CCDC102B: variants seen among roughly 807,000 people sequenced by gnomAD.
CCDC102B encodes coiled-coil domain-containing protein 102B.
A neutral mutation model predicts 57.4 loss-of-function variants in CCDC102B; 75 were observed. The observed-to-expected ratio is 1.31, with a 90% CI of 1.08 to 1.58. CCDC102B has a LOEUF of 1.58. Among genes scored for constraint, CCDC102B ranks in the 40% most tolerant of loss-of-function variants. The pLI is 0.00. For missense variants in CCDC102B, 636 were observed against 582.6 expected, an observed-to-expected ratio of 1.09 and a Z score of -0.94; for synonymous variants, 206 against 201.9, an observed-to-expected ratio of 1.02 and a Z score of -0.17.
At chr18:69,017,855 T>C (rs1359183437) in intron 7 of CCDC102B, among the ~76,000 whole-genome samples, 1 of 152,212 alleles carries the variant, frequency 6.6e-6, no homozygotes, top group African/African-American at 2.4e-5. Context: ...AAATTTGACA[T>C]TTTCAGATTC....
At chr18:68,956,581 TA>T (rs2049902372) in intron 6 of CCDC102B, among the ~76,000 whole-genome samples, 1 of 50,438 alleles carries the variant, frequency 2.0e-5, no homozygotes, top group Non-Finnish European at 3.3e-5. Context: ...TTTATATATA[TA>T]AATATTATAT....
chr18:68,719,614 A>T (rs951782385), intron 2 of CCDC102B, among the ~76,000 whole-genome samples: 1 of 152,096 alleles, frequency 6.6e-6, no homozygotes, highest in East Asian at 1.9e-4. Flanking sequence ...CCCACCCCCA[A>T]CAAATTGGGG....
chr18:68,750,913 C>T (rs1176484433), intron 2 of CCDC102B, among the ~76,000 whole-genome samples: 3 of 151,448 alleles, frequency 2.0e-5, no homozygotes, highest in Non-Finnish European at 2.9e-5. Flanking sequence ...CAAACCTGCA[C>T]GTTGTGCACA....
rs748244183 is a variant in CCDC102B at position 68,837,231 on chromosome 18, G to A, written c.468G>A (p.Gln156=). 1.2e-6 allele frequency: 2 copies of A among 1,614,114 alleles called. No individual in the cohort carries two copies. The highest frequency in any genetic ancestry group is 3.3e-5 in the Admixed American group (2 of 60,002). Reference sequence around the variant, plus strand: ...AGGCATTAGAAGCTAAAGTTACCCAGGATCTGAAGCTTCCTGGCTTCGTAG... The same window carrying A: ...AGGCATTAGAAGCTAAAGTTACCCAAGATCTGAAGCTTCCTGGCTTCGTAG... ...QKEALEAKVT[Q]DLKLPGFVEE... The change falls in exon 2 of 8, where the codon CAG becomes CAA. Residue 156 remains glutamine, a synonymous_variant. Transcript: ENST00000360242.
At chr18:69,016,369 A>G (rs981130555) in intron 7 of CCDC102B, among the ~76,000 whole-genome samples, 1 of 152,210 alleles carries the variant, frequency 6.6e-6, no homozygotes, top group Non-Finnish European at 1.5e-5. Flanking sequence ...CAATGAGTGC[A>G]ACTTAAGCAA....
intron 4 of CCDC102B, among the ~76,000 whole-genome samples, chr18:68,852,667 C>A (rs1220904323): frequency 1.3e-5 from 2 of 152,068 alleles, no homozygotes; most frequent in Non-Finnish European, 2.9e-5. Flanking sequence ...ATGCAAAACT[C>A]ATGGATATGG....
chr18:68,715,224 T>C (rs1453567814), upstream of CCDC102B: 8 of 1,353,224 alleles, frequency 5.9e-6, no homozygotes, highest in South Asian at 3.4e-5. Flanking sequence ...TTAAGAATCC[T>C]TTGCGCTCTC....
At chr18:69,028,742 C>G (rs2052059370) in intron 7 of CCDC102B, among the ~76,000 whole-genome samples, 1 of 151,802 alleles carries the variant, frequency 6.6e-6, no homozygotes, top group Non-Finnish European at 1.5e-5. Flanking sequence ...AACTGGTGAC[C>G]TACAGTGATG....
intron 4 of CCDC102B, among the ~76,000 whole-genome samples, chr18:68,851,776 AAGT>A (rs2038137191): frequency 6.6e-6 from 1 of 152,172 alleles, no homozygotes; most frequent in African/African-American, 2.4e-5. Flanking sequence ...ATAATGATAA[AAGT>A]AGACTAAAAA....
At chr18:69,009,705 A>G (rs1266708044) in intron 6 of CCDC102B, among the ~76,000 whole-genome samples, 2 of 151,808 alleles carry the variant, frequency 1.3e-5, no homozygotes, top group Non-Finnish European at 2.9e-5. Flanking sequence ...ATTACTAATG[A>G]TTTGAGATGT....
intron 6 of CCDC102B, among the ~76,000 whole-genome samples, chr18:68,962,410 A>C (rs771202728): frequency 1.3e-5 from 2 of 152,092 alleles, no homozygotes; most frequent in Non-Finnish European, 2.9e-5. Flanking sequence ...TTTCCAGACA[A>C]ATCATAATTT....
At chr18:68,975,618 C>T (rs1318915826) in intron 6 of CCDC102B, among the ~76,000 whole-genome samples, 3 of 151,832 alleles carry the variant, frequency 2.0e-5, no homozygotes, top group African/African-American at 7.3e-5. Flanking sequence ...GGTCTGTTTC[C>T]AAGTTGAAGT....
At chr18:68,790,047 C>T (rs962639601) in intron 2 of CCDC102B, among the ~76,000 whole-genome samples, 3 of 147,882 alleles carry the variant, frequency 2.0e-5, no homozygotes, top group South Asian at 2.1e-4. Context: ...TTCCTTCTAA[C>T]AGACAGGACC....
intron 6 of CCDC102B, among the ~76,000 whole-genome samples, chr18:68,954,498 C>A (rs2049790567): frequency 1.3e-5 from 2 of 152,148 alleles, no homozygotes; most frequent in Admixed American, 6.5e-5. Context: ...TCTTAACCAA[C>A]TGGATTCATT....
At chr18:69,046,341 C>A (rs56299991) in intron 7 of CCDC102B, among the ~76,000 whole-genome samples, 5,039 of 152,182 alleles carry the variant, frequency 0.033, 140 homozygotes, top group East Asian at 0.15. Flanking sequence ...TTGCATTTCT[C>A]TAATAATTAG....
chr18:69,014,745 A>G (rs546738309), intron 7 of CCDC102B, among the ~76,000 whole-genome samples: 1 of 152,066 alleles, frequency 6.6e-6, no homozygotes, highest in East Asian at 1.9e-4. Flanking sequence ...ATTTGAAGGG[A>G]AAAAATAGCC....
chr18:68,786,093 C>CA (rs2035199406), intron 2 of CCDC102B, among the ~76,000 whole-genome samples: 1 of 149,770 alleles, frequency 6.7e-6, no homozygotes, highest in African/African-American at 2.5e-5. Flanking sequence ...GGAATCCTTT[C>CA]CCCATTGCTT....
At chr18:68,989,118 T>A (rs1398637564) in intron 6 of CCDC102B, among the ~76,000 whole-genome samples, 1 of 152,226 alleles carries the variant, frequency 6.6e-6, no homozygotes, top group Non-Finnish European at 1.5e-5. Flanking sequence ...AAATCCGTAT[T>A]CCATCCTATT....
At chr18:68,737,461 G>GTGC (rs1464280914) in intron 2 of CCDC102B, among the ~76,000 whole-genome samples, 1 of 151,668 alleles carries the variant, frequency 6.6e-6, no homozygotes, top group Non-Finnish European at 1.5e-5. Flanking sequence ...GGTGGTGGTG[G>GTGC]TGGTGGTGGT....
Sources: gnomAD v4.1 joint callset for allele counts (sites outside exome capture counted in the v4.1 genomes callset) on GRCh38, gnomAD v4.1.1 for gene constraint, MANE v1.5 for transcripts, NCBI Gene and HGNC (gene_info 2026-07-23, HGNC 2026-07-21) for gene names.